MCOLN2: variants seen among roughly 807,000 people sequenced by gnomAD.
The protein encoded by MCOLN2 is mucolipin-2.
In MCOLN2, 57 loss-of-function variants were observed where a neutral mutation model predicts 67.5. The observed-to-expected ratio is 0.84, with a 90% CI of 0.68 to 1.05. The LOEUF (loss-of-function observed/expected upper bound fraction) is 1.05, where lower values mean the gene tolerates loss of function less well. Among genes scored for constraint, MCOLN2 ranks in the 50% least tolerant of loss-of-function variants. The probability of loss-of-function intolerance (pLI) is 0.00; values close to 1 mark genes in which losing one functional copy is unlikely to be tolerated. For missense variants in MCOLN2, 620 were observed against 678.8 expected (o/e 0.91, Z 0.96); for synonymous variants, 246 against 233.3 (o/e 1.05, Z -0.50).
intron 1 of MCOLN2, among the ~76,000 whole-genome samples, chr1:84,979,853 G>C (rs184288246): frequency 9.9e-5 from 15 of 152,066 alleles, no homozygotes; most frequent in Admixed American, 2.0e-4. Context: ...AGATATAAAG[G>C]GTATCCAAAT....
chr1:84,970,274 A>AC (rs1649604281), intron 1 of MCOLN2, among the ~76,000 whole-genome samples: 1 of 119,308 alleles, frequency 8.4e-6, no homozygotes, highest in African/African-American at 3.2e-5. Context: ...CCCACCCCCC[A>AC]ACACACACAC....
chr1:84,966,749 C>A (rs1649399258), intron 1 of MCOLN2, among the ~76,000 whole-genome samples: 1 of 152,140 alleles, frequency 6.6e-6, no homozygotes, highest in Non-Finnish European at 1.5e-5. Flanking sequence ...GGAATGGGCA[C>A]ATGACTCAAG....
At chr1:84,987,688 G>GTATATAGAAATATATACA (rs1650688801) in intron 1 of MCOLN2, among the ~76,000 whole-genome samples, 1 of 128,388 alleles carries the variant, frequency 7.8e-6, no homozygotes, top group African/African-American at 2.9e-5. Flanking sequence ...ATATATAGAT[G>GTATATAGAAATATATACA]TATAGATGTA....
At chr1:84,973,474 T>TAATAAATAAAAAGAGATC (rs1168713078) in intron 1 of MCOLN2, among the ~76,000 whole-genome samples, 6 of 152,120 alleles carry the variant, frequency 3.9e-5, no homozygotes, top group Non-Finnish European at 5.9e-5. Flanking sequence ...GGAGATCCTG[T>TAATAAATAAAAAGAGATC]CTCAAGTAAA....
rs193172640 is a variant in MCOLN2, at chr1:84,991,604, A to G, written c.77+5192T>C. ...TCTAACCCTAAGAAGCCCCCTGAAGAAAGGCCATAGGGGCTTTTCATTTTC... is the reference window on the plus strand; with the variant it reads ...TCTAACCCTAAGAAGCCCCCTGAAGGAAGGCCATAGGGGCTTTTCATTTTC... On this transcript the variant is annotated intron_variant, in intron 1 of 13. Transcript: ENST00000370608. 1.3e-3 allele frequency among the ~76,000 whole-genome samples: 200 copies of G among 152,290 alleles called. 2 individuals are homozygous for G. Among genetic ancestry groups the G allele is most frequent in the African/African-American group, 4.7e-3 (194 of 41,556 alleles).
chr1:84,971,061 C>G (rs981886629), intron 1 of MCOLN2, among the ~76,000 whole-genome samples: 1 of 152,312 alleles, frequency 6.6e-6, no homozygotes, highest in South Asian at 2.1e-4. Flanking sequence ...TTTATACTAT[C>G]TATCCTTCCA....
At chr1:84,979,425 C>T (rs1203311808) in intron 1 of MCOLN2, among the ~76,000 whole-genome samples, 1 of 152,154 alleles carries the variant, frequency 6.6e-6, no homozygotes, top group Non-Finnish European at 1.5e-5. Flanking sequence ...AACTCCTCAA[C>T]TAAAATACTA....
chr1:84,974,789 G>C (rs1649916182), intron 1 of MCOLN2, among the ~76,000 whole-genome samples: 1 of 152,062 alleles, frequency 6.6e-6, no homozygotes, highest in African/African-American at 2.4e-5. Context: ...CCTTCCGTGG[G>C]CCAGAAGGGA....
intron 1 of MCOLN2, among the ~76,000 whole-genome samples, chr1:84,971,499 TACACACACACACACACAC>T (rs71097870): frequency 1.2e-3 from 163 of 132,256 alleles, no homozygotes; most frequent in African/African-American, 2.0e-3. Flanking sequence ...TAAACAGACA[TACACACACACACACACAC>T]ACACACACAC....
chr1:84,960,709 T>G (rs1649041714), intron 2 of MCOLN2, among the ~76,000 whole-genome samples: 1 of 152,218 alleles, frequency 6.6e-6, no homozygotes, highest in African/African-American at 2.4e-5. Flanking sequence ...AAGGTCATGT[T>G]GCTCTTGAAA....
intron 6 of MCOLN2, among the ~76,000 whole-genome samples, chr1:84,947,516 G>GGAAT (rs1648181831): frequency 6.6e-6 from 1 of 152,124 alleles, no homozygotes; most frequent in Non-Finnish European, 1.5e-5. Flanking sequence ...TAGAGCCAGG[G>GGAAT]GAATCTCTTT....
rs1031522281 is a variant in MCOLN2 at position 84,926,418 on chromosome 1, A to G, written c.*267T>C. The stretch of plus-strand genomic sequence containing the variant: ...TTTTCCATTCCGAGATCATGTCATA[A>G]ATTAACAGACTAATAGAGAATTTTA... On this transcript the variant is annotated 3_prime_UTR_variant, in exon 14 of 14. Transcript: ENST00000370608. 2 of 330,454 alleles carry G rather than the reference A, an allele frequency of 6.1e-6. No homozygotes were observed. Among genetic ancestry groups the G allele is most frequent in the Non-Finnish European group, 1.1e-5 (2 of 182,890 alleles). The allele number at this position is 330,454 out of a possible 1,614,324, so 20.5% of individuals were successfully genotyped here.
intron 1 of MCOLN2, among the ~76,000 whole-genome samples, chr1:84,974,988 T>A (rs2102871355): frequency 6.6e-6 from 1 of 152,246 alleles, no homozygotes; most frequent in Admixed American, 6.5e-5. Flanking sequence ...AAGAACTGCA[T>A]CTTGTAATTT....
intron 1 of MCOLN2, among the ~76,000 whole-genome samples, chr1:84,972,720 G>C (rs991566771): frequency 2.0e-5 from 3 of 152,158 alleles, no homozygotes; most frequent in Admixed American, 2.0e-4. Flanking sequence ...ATATGATCAA[G>C]GGCAATTTCA....
chr1:84,935,871 T>C (rs566550044), intron 11 of MCOLN2, among the ~76,000 whole-genome samples: 1 of 152,290 alleles, frequency 6.6e-6, no homozygotes, highest in East Asian at 1.9e-4. Context: ...CTTGACACCA[T>C]TGAAAGAATG....
intron 1 of MCOLN2, among the ~76,000 whole-genome samples, chr1:84,992,390 A>G (rs1650934736): frequency 6.6e-6 from 1 of 152,256 alleles, no homozygotes; most frequent in Admixed American, 6.5e-5. Context: ...ACAGTCTCTC[A>G]TACCAGGAAA....
chr1:84,943,893 G>C (rs987163240), intron 7 of MCOLN2, among the ~76,000 whole-genome samples: 1 of 152,154 alleles, frequency 6.6e-6, no homozygotes. Context: ...AAGTTATCTT[G>C]AGGTATCATC....
rs536856372 is a variant in MCOLN2, at chr1:84,987,637, T to C, written c.77+9159A>G. Among the ~76,000 whole-genome samples, 68 of 141,914 alleles carry C rather than the reference T, an allele frequency of 4.8e-4. 2 individuals carry two copies. The highest frequency in any genetic ancestry group is 7.8e-4 in the Non-Finnish European group (51 of 65,374). 93.1% of individuals were successfully genotyped at this position (141,914 alleles called of 152,430 possible). On this transcript the variant is annotated intron_variant, in intron 1 of 13. Coordinates refer to ENST00000370608, the MANE Select transcript of MCOLN2 (RefSeq NM_153259.4). ...ATCTATATATACATATGTATATATG[T>C]ATATAGAAATATATACATACATATG...
intron 1 of MCOLN2, among the ~76,000 whole-genome samples, chr1:84,974,531 T>C (rs944531723): frequency 1.8e-4 from 27 of 152,104 alleles, no homozygotes; most frequent in African/African-American, 6.3e-4. Context: ...AGGCACACCC[T>C]GGGCCAGAAG....
Sources: gnomAD v4.1 joint callset for allele counts (sites outside exome capture counted in the v4.1 genomes callset) on GRCh38, gnomAD v4.1.1 for gene constraint, MANE v1.5 for transcripts, NCBI Gene and HGNC (gene_info 2026-07-23, HGNC 2026-07-21) for gene names.